TSPAN12: variants seen among roughly 807,000 people sequenced by gnomAD.
TSPAN12 encodes tetraspanin-12.
A neutral mutation model predicts 39.2 loss-of-function variants in TSPAN12; 19 were observed. That is an observed-to-expected ratio of 0.49 (90% CI 0.34 to 0.71). The LOEUF (loss-of-function observed/expected upper bound fraction) is 0.71. TSPAN12 is among the 30% of genes least tolerant of loss of function. The probability of loss-of-function intolerance (pLI) is 0.01; values close to 1 mark genes in which losing one functional copy is unlikely to be tolerated. For synonymous variants in TSPAN12, 119 were observed against 124.8 expected (o/e 0.95, Z 0.31); for missense variants, 314 against 359.9 (o/e 0.87, Z 1.03).
chr7:120,789,868 G>T (rs1020544112), intron 7 of TSPAN12, among the ~76,000 whole-genome samples: 3 of 152,034 alleles, frequency 2.0e-5, no homozygotes. Flanking sequence ...AACATGGAGG[G>T]TCCATCGTCC....
intron 7 of TSPAN12, among the ~76,000 whole-genome samples, chr7:120,795,292 C>T (rs913807111): frequency 6.6e-6 from 1 of 152,198 alleles, no homozygotes; most frequent in African/African-American, 2.4e-5. Flanking sequence ...ATGAATAAGA[C>T]ATGTTGGCTA....
intron 2 of TSPAN12, among the ~76,000 whole-genome samples, chr7:120,846,643 CAGGCACTGTGCTATGTGTT>C (rs1351280274): frequency 2.0e-5 from 3 of 152,164 alleles, no homozygotes; most frequent in African/African-American, 7.2e-5. Flanking sequence ...CACTCTTTGC[CAGGCACTGTGCTATGTGTT>C]AGGGATACAC....
At chr7:120,842,348 C>T (rs965787342) in intron 2 of TSPAN12, among the ~76,000 whole-genome samples, 1 of 151,520 alleles carries the variant, frequency 6.6e-6, no homozygotes, top group African/African-American at 2.4e-5. Flanking sequence ...GGGCAAGATT[C>T]AGAGACTGAC....
At chr7:120,816,500 C>T (rs868149252) in intron 4 of TSPAN12, among the ~76,000 whole-genome samples, 45 of 151,892 alleles carry the variant, frequency 3.0e-4, no homozygotes, top group African/African-American at 1.0e-3. Flanking sequence ...AGAGAGAATA[C>T]CAGGCAAATA....
chr7:120,842,015 T>C (rs1037398828), intron 2 of TSPAN12, among the ~76,000 whole-genome samples: 3 of 152,248 alleles, frequency 2.0e-5, no homozygotes, highest in African/African-American at 7.2e-5. Flanking sequence ...TCTTCTTAAG[T>C]ACAATGTAGG....
rs527914305 is a variant in TSPAN12, at chr7:120,802,826, T to G, written c.612+3723A>C. Among the ~76,000 whole-genome samples the G allele has an allele frequency of 3.3e-5, 5 of 152,326 alleles. No homozygotes were observed. The East Asian group carries it at 9.6e-4, about 29-fold the overall frequency. On this transcript the variant is annotated intron_variant, in intron 7 of 7. Coordinates refer to ENST00000222747, the MANE Select transcript of TSPAN12 (RefSeq NM_012338.4). ...CCAAACCTAACAAGGCTCCTGAATG[T>G]TTCTAAATGTGCAATTGTCGCTATA...
At chr7:120,838,726 A>T (rs1378815778) in intron 4 of TSPAN12, 51 bp downstream of exon 4, 20 of 1,571,400 alleles carry the variant, frequency 1.3e-5, no homozygotes, top group Non-Finnish European at 1.7e-5. Flanking sequence ...AAAATAATAT[A>T]TTACTGGTTA....
chr7:120,788,301 T>C lies in TSPAN12; in HGVS notation c.*291A>G. The C allele has an allele frequency of 2.4e-6, 1 of 421,300 alleles. No individual in the cohort carries two copies. Among genetic ancestry groups the C allele is most frequent in the Admixed American group, 3.8e-5 (1 of 26,404 alleles). 26.1% of individuals were successfully genotyped at this position (421,300 alleles called of 1,614,324 possible). Reference sequence around the variant, plus strand: ...GTTTGCATGGATGCGGAAATGCTAATCAAACCATGCTGCCTCAAAACATAA... The same window carrying C: ...GTTTGCATGGATGCGGAAATGCTAACCAAACCATGCTGCCTCAAAACATAA... On this transcript the variant is annotated 3_prime_UTR_variant, in exon 8 of 8. Transcript: ENST00000222747.
At chr7:120,806,156 TTGG>T (rs1005191465) in intron 7 of TSPAN12, among the ~76,000 whole-genome samples, 3 of 151,970 alleles carry the variant, frequency 2.0e-5, no homozygotes, top group African/African-American at 7.2e-5. Flanking sequence ...CTTCTATGTG[TTGG>T]TGGTCTATGT....
rs111632566 is a variant in TSPAN12 at position 120,830,183 on chromosome 7, T to C, written c.285+8594A>G. The stretch of plus-strand genomic sequence containing the variant: ...CAAATAGAAAGATATCCCATGTTTA[T>C]GGATTAGAAGAATTAATATTGTTAA... On this transcript the variant is annotated intron_variant, in intron 4 of 7. Coordinates refer to ENST00000222747, the MANE Select transcript of TSPAN12 (RefSeq NM_012338.4). Among the ~76,000 whole-genome samples the C allele has an allele frequency of 1.3e-3, 198 of 152,316 alleles. 1 individual carries two copies. Among genetic ancestry groups the C allele is most frequent in the Non-Finnish European group, 2.3e-3 (155 of 68,024 alleles).
chr7:120,797,146 G>T (rs886376793), intron 7 of TSPAN12, among the ~76,000 whole-genome samples: 2 of 152,086 alleles, frequency 1.3e-5, no homozygotes, highest in African/African-American at 4.8e-5. Context: ...GACAGAGCCA[G>T]ATTTCATCTC....
intron 2 of TSPAN12, among the ~76,000 whole-genome samples, chr7:120,847,523 ACT>A (rs1203658997): frequency 6.6e-6 from 1 of 152,124 alleles, no homozygotes; most frequent in Non-Finnish European, 1.5e-5. Context: ...TGTCCCTCCC[ACT>A]GTTTTTCCTG....
chr7:120,807,506 G>A (rs1793897627), intron 6 of TSPAN12, among the ~76,000 whole-genome samples: 1 of 152,052 alleles, frequency 6.6e-6, no homozygotes, highest in Non-Finnish European at 1.5e-5. Context: ...AGTGGAGAAG[G>A]AGGTTGCTCT....
intron 7 of TSPAN12, among the ~76,000 whole-genome samples, chr7:120,796,776 G>A (rs1407830370): frequency 1.3e-5 from 2 of 152,066 alleles, no homozygotes; most frequent in Non-Finnish European, 2.9e-5. Flanking sequence ...GTACACTGAT[G>A]ACACCCGTGT....
At chr7:120,800,744 GT>G (rs148802163) in intron 7 of TSPAN12, among the ~76,000 whole-genome samples, 3 of 118,738 alleles carry the variant, frequency 2.5e-5, no homozygotes, top group African/African-American at 6.4e-5. Flanking sequence ...TTTCCTTATC[GT>G]TTTTTTTTGT....
intron 2 of TSPAN12, among the ~76,000 whole-genome samples, chr7:120,844,076 G>C (rs1328814463): frequency 6.6e-6 from 1 of 152,060 alleles, no homozygotes; most frequent in East Asian, 1.9e-4. Context: ...CATCTTACAT[G>C]GCCAGAGCAG....
At chr7:120,848,198 C>T (rs1794708479) in intron 2 of TSPAN12, among the ~76,000 whole-genome samples, 1 of 152,168 alleles carries the variant, frequency 6.6e-6, no homozygotes, top group Non-Finnish European at 1.5e-5. Flanking sequence ...TAAAGATTCT[C>T]TCCCAACTCC....
chr7:120,793,107 C>G (rs1476652910), intron 7 of TSPAN12, among the ~76,000 whole-genome samples: 2 of 152,198 alleles, frequency 1.3e-5, no homozygotes, highest in African/African-American at 4.8e-5. Flanking sequence ...TTATCCCTTT[C>G]TCTTTAATTA....
At chr7:120,836,694 G>C (rs75669674) in intron 4 of TSPAN12, among the ~76,000 whole-genome samples, 2 of 152,130 alleles carry the variant, frequency 1.3e-5, no homozygotes, top group Non-Finnish European at 2.9e-5. Context: ...ATGAATGAAT[G>C]AGTAAATTAG....
Sources: allele counts gnomAD v4.1 joint callset (sites outside exome capture counted in the v4.1 genomes callset), GRCh38; gene constraint gnomAD v4.1.1; transcripts MANE v1.5; gene names NCBI Gene and HGNC (gene_info 2026-07-23, HGNC 2026-07-21).